RCN3: variants seen among roughly 807,000 people sequenced by gnomAD.
RCN3 encodes the protein reticulocalbin 3.
Under a neutral mutation model 35.9 loss-of-function variants are expected in RCN3, and 41 were observed. The ratio of observed to expected loss-of-function variants is 1.14; its 90% CI spans 0.89 to 1.48. The LOEUF (loss-of-function observed/expected upper bound fraction) is 1.48. Ranked by LOEUF, RCN3 falls within the 40% of genes most tolerant of loss-of-function variation. The pLI is 0.00. For synonymous variants in RCN3, 187 were observed against 193.4 expected (o/e 0.97, Z 0.27); for missense variants, 451 against 471.3 (o/e 0.96, Z 0.40).
intron 1 of RCN3, 81 bp from the exon 2 acceptor site, chr19:49,528,386 C>T (rs1191320317): frequency 3.0e-6 from 4 of 1,339,236 alleles, no homozygotes; most frequent in Non-Finnish European, 3.9e-6. Context: ...TCCTAGGTAA[C>T]CCCTCCACCC....
At chr19:49,539,298 G>A in intron 5 of RCN3, 119 bp downstream of exon 5, 1 of 720,008 alleles carries the variant, frequency 1.4e-6, no homozygotes, top group Non-Finnish European at 2.3e-6. Context: ...TCAGACATGG[G>A]GGCAGGGGCA....
intron 2 of RCN3, among the ~76,000 whole-genome samples, chr19:49,532,512 A>G (rs1430595113): frequency 6.6e-6 from 1 of 151,502 alleles, no homozygotes; most frequent in Non-Finnish European, 1.5e-5. Context: ...AGTAGTGGAT[A>G]TTACAGGCAT....
chr19:49,535,723 A>C (rs2080130529), intron 3 of RCN3, among the ~76,000 whole-genome samples: 1 of 151,528 alleles, frequency 6.6e-6, no homozygotes, highest in Non-Finnish European at 1.5e-5. Context: ...GATGGTGTGC[A>C]CCTGTGATCA....
Position 49,528,656 on chromosome 19 carries a change from C to A in RCN3, c.184C>A (p.Arg62=). 5.0e-6 allele frequency: 8 copies of A among 1,611,334 alleles called. No homozygotes were observed. The highest frequency in any genetic ancestry group is 6.8e-6 in the Non-Finnish European group (8 of 1,178,818). The change falls in exon 2 of 7, where the codon CGG becomes AGG. Residue 62 remains arginine (R), a synonymous_variant. Coordinates refer to ENST00000270645, the MANE Select transcript of RCN3 (RefSeq NM_020650.3). ...FQYDHEAFLG[R]EVAKEFDQLT... ...GTACGACCATGAGGCTTTCCTGGGA[C>A]GGGAAGTGGCCAAGGAATTCGACCA...
intron 4 of RCN3, 21 bp downstream of exon 4, chr19:49,537,226 C>T: frequency 1.3e-6 from 2 of 1,482,964 alleles, no homozygotes; most frequent in South Asian, 1.3e-5. Context: ...GCTGGGGAAC[C>T]CTGTCCCCCA....
intron 1 of RCN3, 146 bp from the exon 2 acceptor site, chr19:49,528,321 C>T: frequency 1.4e-6 from 1 of 697,154 alleles, no homozygotes. Context: ...TTTCCCCCAT[C>T]GCCCGCCCTT....
intron 2 of RCN3, among the ~76,000 whole-genome samples, chr19:49,532,048 A>G (rs1029599455): frequency 1.1e-4 from 14 of 122,014 alleles, no homozygotes; most frequent in Non-Finnish European, 2.2e-4. Context: ...TGATCCACCC[A>G]CCTCGGCCTC....
At chr19:49,534,105 C>A in intron 2 of RCN3, 88 bp from the exon 3 acceptor site, 2 of 1,253,266 alleles carry the variant, frequency 1.6e-6, no homozygotes, top group Non-Finnish European at 2.1e-6. Context: ...AGCCCCGGAT[C>A]CGAAGTGTCC....
chr19:49,531,229 G>A (rs1002122534), intron 2 of RCN3, among the ~76,000 whole-genome samples: 1 of 152,190 alleles, frequency 6.6e-6, no homozygotes, highest in Non-Finnish European at 1.5e-5. Flanking sequence ...TGAGGAGGGA[G>A]GATCACTTGG....
chr19:49,542,595 G>C lies in RCN3; in HGVS notation c.722G>C (p.Trp241Ser). The change falls in exon 6 of 7, where the codon TGG (tryptophan) becomes TCG (serine). Residue 241 changes from tryptophan (W) to serine (S), a missense_variant. By Grantham distance (177) the Trp-to-Ser change is radical (BLOSUM62 -3). Coordinates refer to ENST00000270645, the MANE Select transcript of RCN3 (RefSeq NM_020650.3). ...SAEPGEEEPA[W>S]VQTERQQFRD... ...GAGCCTGGGGAGGAGGAGCCGGCGT[G>C]GGTGCAGACGGAGAGGCAGCAGTTC... The C allele has an allele frequency of 6.2e-7, 1 of 1,609,146 alleles. No homozygotes were observed. Among genetic ancestry groups the C allele is most frequent in the Non-Finnish European group, 8.5e-7 (1 of 1,178,264 alleles).
intron 4 of RCN3, among the ~76,000 whole-genome samples, chr19:49,537,870 C>A (rs2080144089): frequency 6.6e-6 from 1 of 151,942 alleles, no homozygotes. Flanking sequence ...AACTCCGGAC[C>A]TCAGGTGATC....
chr19:49,535,883 T>C (rs1259523883), intron 3 of RCN3, among the ~76,000 whole-genome samples: 3 of 148,222 alleles, frequency 2.0e-5, no homozygotes, highest in Admixed American at 6.8e-5. Context: ...TATAGATAGA[T>C]AGATAGATAG....
intron 4 of RCN3, among the ~76,000 whole-genome samples, chr19:49,538,040 G>A (rs1303233482): frequency 4.0e-5 from 6 of 150,678 alleles, no homozygotes; most frequent in Non-Finnish European, 5.9e-5. Flanking sequence ...TACCCAGACC[G>A]GAGGGCAGTG....
In RCN3 at chr19:49,543,176, A is replaced by G; in HGVS notation, c.950A>G (p.Tyr317Cys). 6.2e-7 allele frequency: 1 copy of G among 1,614,028 alleles called. No homozygotes were observed. Among genetic ancestry groups the G allele is most frequent in the Non-Finnish European group, 8.5e-7 (1 of 1,179,962 alleles). Residue 317 changes from tyrosine (Y) to cysteine (C), a missense_variant, in exon 7 of 7, where the codon TAT (tyrosine) becomes TGT (cysteine). By Grantham distance (194) the Tyr-to-Cys change is radical. Transcript: ENST00000270645. ...NMFVGSQATN[Y>C]GEDLTRHHDE... Reference sequence around the variant, plus strand: ...TTTGTGGGCAGTCAGGCCACCAACTATGGCGAGGACCTGACCCGGCACCAC... The same window carrying G: ...TTTGTGGGCAGTCAGGCCACCAACTGTGGCGAGGACCTGACCCGGCACCAC...
In RCN3 at chr19:49,542,610, G is replaced by C. The variant is rs763007774; in HGVS notation, c.737G>C (p.Arg246Thr). ...GAGCCGGCGTGGGTGCAGACGGAGA[G>C]GCAGCAGTTCCGGGACTTCCGGGAT... Reference protein sequence around the residue: ...EEEPAWVQTERQQFRDFRDLN... With the variant: ...EEEPAWVQTETQQFRDFRDLN... The change falls in exon 6 of 7, where the codon AGG becomes ACG. Residue 246 changes from arginine (R) to threonine (T), a missense_variant. Transcript: ENST00000270645. 6.8e-6 allele frequency: 11 copies of C among 1,609,698 alleles called. No homozygotes were observed. The highest frequency in any genetic ancestry group is 9.3e-6 in the Non-Finnish European group (11 of 1,178,498).
chr19:49,535,416 G>A (rs1457278753), intron 3 of RCN3, among the ~76,000 whole-genome samples: 1 of 152,162 alleles, frequency 6.6e-6, no homozygotes, highest in African/African-American at 2.4e-5. Context: ...TTCTCTCTGA[G>A]AATCAATTTT....
intron 2 of RCN3, among the ~76,000 whole-genome samples, chr19:49,530,107 G>A (rs986817519): frequency 8.6e-5 from 13 of 151,418 alleles, no homozygotes; most frequent in East Asian, 1.9e-4. Context: ...ACAAGTGAAC[G>A]CTACAAGTCC....
intron 3 of RCN3, among the ~76,000 whole-genome samples, chr19:49,536,668 G>C (rs1306675801): frequency 6.7e-6 from 1 of 150,274 alleles, no homozygotes; most frequent in East Asian, 2.0e-4. Context: ...GAAAGCAGTG[G>C]TGCAGTCTCA....
chr19:49,536,096 C>T (rs1403675577), intron 3 of RCN3, among the ~76,000 whole-genome samples: 2 of 148,918 alleles, frequency 1.3e-5, no homozygotes, highest in African/African-American at 4.9e-5. Context: ...AAGCGATTTT[C>T]CTGCCTCAGC....
Sources: gnomAD v4.1 joint callset for allele counts (sites outside exome capture counted in the v4.1 genomes callset) on GRCh38, gnomAD v4.1.1 for gene constraint, MANE v1.5 for transcripts, NCBI Gene and HGNC (gene_info 2026-07-23, HGNC 2026-07-21) for gene names.